PCMT1: variants seen among roughly 807,000 people sequenced by gnomAD.
The protein encoded by PCMT1 is protein-L-isoaspartate (D-aspartate) O-methyltransferase.
A neutral mutation model predicts 29.2 loss-of-function variants in PCMT1; 9 were observed. That is an observed-to-expected ratio of 0.31 (90% confidence interval 0.19 to 0.54). PCMT1 has a LOEUF of 0.54. Among genes scored for constraint, PCMT1 ranks in the 20% least tolerant of loss-of-function variants. The pLI, the probability that PCMT1 is intolerant of heterozygous loss-of-function variation, is 0.95. For synonymous variants in PCMT1, 98 were observed against 97.5 expected, an observed-to-expected ratio of 1.00 and a Z score of -0.03; for missense variants, 184 against 282.2, an observed-to-expected ratio of 0.65 and a Z score of 2.49.
At chr6:149,750,997 T>A (rs774551452) in intron 1 of PCMT1, among the ~76,000 whole-genome samples, 2 of 152,206 alleles carry the variant, frequency 1.3e-5, no homozygotes, top group African/African-American at 2.4e-5. Context: ...GATTTGTAAT[T>A]TCCTTAACGG....
chr6:149,805,316 G>T (rs917236309), intron 7 of PCMT1, among the ~76,000 whole-genome samples: 4 of 152,284 alleles, frequency 2.6e-5, no homozygotes, highest in East Asian at 3.9e-4. Context: ...CTTTTAGGCT[G>T]GGCGCAGTGG....
chr6:149,779,857 C>G (rs1471448318), intron 3 of PCMT1, among the ~76,000 whole-genome samples: 1 of 151,792 alleles, frequency 6.6e-6, no homozygotes, highest in African/African-American at 2.4e-5. Context: ...TTTGGAGAAC[C>G]AGTATCTAGC....
chr6:149,775,466 G>T (rs972550959), intron 3 of PCMT1, among the ~76,000 whole-genome samples: 1 of 152,124 alleles, frequency 6.6e-6, no homozygotes, highest in African/African-American at 2.4e-5. Flanking sequence ...AACACTTTGG[G>T]AGGCCGAGGC....
Position 149,793,581 on chromosome 6 carries a change from T to C in PCMT1, c.330T>C (p.Asp110=). ...GTACTGGAAAAGTCATAGGAATTGA[T>C]CACATTAAAGAGCTAGTAGATGACT... is the stretch of plus-strand genomic sequence containing the variant. ...VGCTGKVIGI[D]HIKELVDDSV... is the part of the protein sequence containing the mutation. Residue 110 remains aspartate, a synonymous_variant, in exon 5 of 8, where the codon GAT becomes GAC. Coordinates refer to ENST00000464889, the MANE Select transcript of PCMT1 (RefSeq NM_001360452.2). 6.6e-7 allele frequency: 1 copy of C among 1,520,322 alleles called. No individual in the cohort carries two copies. The highest frequency in any genetic ancestry group is 1.4e-5 in the South Asian group (1 of 71,792). 94.2% of individuals were successfully genotyped at this position (1,520,322 alleles called of 1,614,324 possible).
chr6:149,776,819 A>G (rs1022100521), intron 3 of PCMT1, among the ~76,000 whole-genome samples: 8 of 152,202 alleles, frequency 5.3e-5, no homozygotes, highest in African/African-American at 1.9e-4. Context: ...TGTATTGGAA[A>G]TGGAAAACTG....
chr6:149,769,561 G>A (rs1279773141), intron 1 of PCMT1, among the ~76,000 whole-genome samples: 2 of 151,460 alleles, frequency 1.3e-5, no homozygotes, highest in African/African-American at 2.4e-5. Flanking sequence ...TAATTTGCCC[G>A]CCTGGGCCTC....
At chr6:149,799,967 A>G (rs1475803452) in intron 6 of PCMT1, among the ~76,000 whole-genome samples, 1 of 152,202 alleles carries the variant, frequency 6.6e-6, no homozygotes, top group Non-Finnish European at 1.5e-5. Flanking sequence ...TATCTAGCGT[A>G]TGTTTTGAAA....
chr6:149,777,964 C>G (rs1287582212), intron 3 of PCMT1, among the ~76,000 whole-genome samples: 1 of 149,662 alleles, frequency 6.7e-6, no homozygotes, highest in African/African-American at 2.5e-5. Context: ...GCAACCTCTG[C>G]CTCCCGGATT....
At chr6:149,808,517 T>TA (rs1224478114) in intron 7 of PCMT1, among the ~76,000 whole-genome samples, 2 of 152,160 alleles carry the variant, frequency 1.3e-5, no homozygotes, top group African/African-American at 4.8e-5. Context: ...TTTCCTTTTT[T>TA]AAAGTATTTT....
chr6:149,786,271 ACC>A (rs1166671557), intron 3 of PCMT1, among the ~76,000 whole-genome samples: 1 of 35,320 alleles, frequency 2.8e-5, no homozygotes, highest in South Asian at 1.1e-3. Context: ...GGGGGTGCTG[ACC>A]CCCCCCACCT....
chr6:149,800,502 A>G (rs778545189), intron 6 of PCMT1, among the ~76,000 whole-genome samples: 3 of 151,984 alleles, frequency 2.0e-5, no homozygotes, highest in Non-Finnish European at 4.4e-5. Flanking sequence ...AAAACAAAAC[A>G]AAACAAAAAA....
At chr6:149,773,965 G>A (rs1247264860) in intron 3 of PCMT1, among the ~76,000 whole-genome samples, 1 of 151,906 alleles carries the variant, frequency 6.6e-6, no homozygotes, top group Non-Finnish European at 1.5e-5. Flanking sequence ...TTAATCTGTT[G>A]GGAATTTTCT....
In PCMT1 at chr6:149,789,961, A is replaced by G; in HGVS notation, c.200A>G (p.Tyr67Cys). 6.3e-7 allele frequency: 1 copy of G among 1,598,614 alleles called. No homozygotes were observed. ...TTTGTTTTCTTTTGGCAGCATGCAT[A>G]TGCGCTAGAACTTCTATTTGATCAG... is the stretch of plus-strand genomic sequence containing the variant. ...ATISAPHMHA[Y>C]ALELLFDQLH... Residue 67 changes from tyrosine to cysteine, a missense_variant, in exon 4 of 8, where the codon TAT (tyrosine) becomes TGT (cysteine). By Grantham distance (194) the Tyr-to-Cys change is radical (BLOSUM62 -2). Transcript: ENST00000464889.
chr6:149,777,306 G>A (rs1190459309), intron 3 of PCMT1, among the ~76,000 whole-genome samples: 8 of 152,008 alleles, frequency 5.3e-5, no homozygotes, highest in Non-Finnish European at 1.0e-4. Context: ...ATATTGTACT[G>A]AAAGTGGAAA....
intron 1 of PCMT1, among the ~76,000 whole-genome samples, chr6:149,752,388 G>T (rs1174712624): frequency 2.6e-5 from 4 of 151,950 alleles, no homozygotes. Context: ...TAGTAGAAAC[G>T]GGGTTTCACT....
At chr6:149,769,601 A>G (rs1174555573) in intron 1 of PCMT1, among the ~76,000 whole-genome samples, 1 of 151,488 alleles carries the variant, frequency 6.6e-6, no homozygotes, top group East Asian at 1.9e-4. Context: ...GGTGTGAGCT[A>G]CCGTGCCTGG....
At chr6:149,788,573 C>T (rs1011569401) in intron 3 of PCMT1, among the ~76,000 whole-genome samples, 4 of 152,072 alleles carry the variant, frequency 2.6e-5, no homozygotes, top group African/African-American at 9.7e-5. Flanking sequence ...TGCATTTTTG[C>T]CTGGCATATC....
chr6:149,771,172 C>T lies in PCMT1; in HGVS notation c.66C>T (p.Ile22=). Residue 22 remains isoleucine, a synonymous_variant, in exon 2 of 8, where the codon ATC becomes ATT. Coordinates refer to ENST00000464889, the MANE Select transcript of PCMT1 (RefSeq NM_001360452.2). Reference sequence around the variant, plus strand: ...CCTCACTTGTTTCAGAAAATGGAATCATCAAGACAGATAAAGTATTTGAAG... The same window carrying T: ...CCTCACTTGTTTCAGAAAATGGAATTATCAAGACAGATAAAGTATTTGAAG... ...ELIHNLRKNG[I]IKTDKVFEVM... is the part of the protein sequence containing the mutation. The T allele has an allele frequency of 6.2e-7, 1 of 1,604,766 alleles. No individual in the cohort carries two copies. Among genetic ancestry groups the T allele is most frequent in the Non-Finnish European group, 8.5e-7 (1 of 1,172,352 alleles).
chr6:149,751,009 T>C (rs1051323924), intron 1 of PCMT1, among the ~76,000 whole-genome samples: 2 of 152,218 alleles, frequency 1.3e-5, no homozygotes, highest in African/African-American at 4.8e-5. Flanking sequence ...CCTTAACGGC[T>C]GGCACCATTA....
Sources: allele counts gnomAD v4.1 joint callset (sites outside exome capture counted in the v4.1 genomes callset), GRCh38; gene constraint gnomAD v4.1.1; transcripts MANE v1.5; gene names NCBI Gene and HGNC (gene_info 2026-07-23, HGNC 2026-07-21).